PDE8B: variants seen among roughly 807,000 people sequenced by gnomAD.
PDE8B encodes the protein high affinity cAMP-specific and IBMX-insensitive 3',5'-cyclic phosphodiesterase 8B.
Under a neutral mutation model 101.3 loss-of-function variants are expected in PDE8B, and 26 were observed. The observed-to-expected ratio is 0.26, with a 90% CI of 0.19 to 0.36. The LOEUF (loss-of-function observed/expected upper bound fraction) is 0.36, where lower values mean the gene tolerates loss of function less well. PDE8B is among the 10% of genes least tolerant of loss of function. PDE8B has a pLI of 1.00. For synonymous variants in PDE8B, 424 were observed against 429.3 expected (o/e 0.99, Z 0.15); for missense variants, 810 against 1,163.1 (o/e 0.70, Z 4.42).
chr5:77,235,961 A>T (rs1754593884), intron 1 of PDE8B, among the ~76,000 whole-genome samples: 1 of 152,176 alleles, frequency 6.6e-6, no homozygotes, highest in Non-Finnish European at 1.5e-5. Context: ...GCCGAGATAG[A>T]TTAGGTAATT....
At chr5:77,257,137 A>C (rs1759350738) in intron 1 of PDE8B, among the ~76,000 whole-genome samples, 1 of 152,234 alleles carries the variant, frequency 6.6e-6, no homozygotes. Context: ...AAAAGAAAAC[A>C]GAAAAAGGGG....
At chr5:77,425,964 A>G in intron 21 of PDE8B, 68 bp downstream of exon 21, 1 of 1,476,316 alleles carries the variant, frequency 6.8e-7, no homozygotes, top group Non-Finnish European at 9.5e-7. Context: ...CTTTAGTGAC[A>G]CAGGGTGAGC....
At chr5:77,204,532 A>C in the PDE8B span, among the ~76,000 whole-genome samples, 1 of 152,298 alleles carries the variant, frequency 6.6e-6, no homozygotes, top group East Asian at 1.9e-4. Context: ...GGGCGGTAGA[A>C]CCTACAGTGA....
intron 10 of PDE8B, among the ~76,000 whole-genome samples, chr5:77,384,238 T>TTG (rs1283067262): frequency 6.6e-6 from 1 of 152,208 alleles, no homozygotes; most frequent in Non-Finnish European, 1.5e-5. Context: ...TTTATTCTCT[T>TTG]TGTAGCAATC....
chr5:77,409,728 A>G (rs1451502086), intron 14 of PDE8B, among the ~76,000 whole-genome samples: 3 of 152,184 alleles, frequency 2.0e-5, no homozygotes, highest in Non-Finnish European at 2.9e-5. Flanking sequence ...AAAAAATTCA[A>G]ATTGTTTATT....
chr5:77,350,913 A>C, intron 8 of PDE8B, 152 bp from the exon 9 acceptor site: 1 of 714,730 alleles, frequency 1.4e-6, no homozygotes, highest in Non-Finnish European at 2.6e-6. Context: ...ATGTGGCCAC[A>C]TCAGCATTGC....
chr5:77,276,338 C>T (rs1397201621), intron 1 of PDE8B, among the ~76,000 whole-genome samples: 1 of 152,220 alleles, frequency 6.6e-6, no homozygotes, highest in African/African-American at 2.4e-5. Flanking sequence ...CTTGGCTCAG[C>T]TCAAAGGCCT....
chr5:77,241,876 A>C (rs1286341550), intron 1 of PDE8B, among the ~76,000 whole-genome samples: 1 of 152,218 alleles, frequency 6.6e-6, no homozygotes, highest in African/African-American at 2.4e-5. Context: ...AGCTGCTATA[A>C]TGCCTCTGGA....
the PDE8B span, chr5:77,148,394 A>G: frequency 6.6e-6 from 1 of 152,328 alleles, no homozygotes; most frequent in Admixed American, 6.5e-5. Context: ...GTAGGTTCCT[A>G]TGAGTGGAAT....
At chr5:77,400,868 A>G (rs1168326968) in intron 11 of PDE8B, among the ~76,000 whole-genome samples, 1 of 127,634 alleles carries the variant, frequency 7.8e-6, no homozygotes, top group African/African-American at 2.7e-5. Context: ...TCTGACCATT[A>G]GAGGGAAAAA....
rs897870901 is a variant in PDE8B at position 77,210,942 on chromosome 5, G to C, written c.17G>C (p.Ser6Thr). 3 of 1,502,818 alleles carry C rather than the reference G, an allele frequency of 2.0e-6. No homozygotes were observed. Among genetic ancestry groups the C allele is most frequent in the African/African-American group, 2.9e-5 (2 of 69,560 alleles). 93.1% of individuals were successfully genotyped at this position (1,502,818 alleles called of 1,614,324 possible). MGCAP[S>T]IHVSQSGVIY... ...GGCCGAGGGATGGGCTGCGCCCCCA[G>C]CATCCATGTCTCGCAGAGCGGCGTG... The change falls in exon 1 of 22, where the codon AGC becomes ACC. Residue 6 changes from serine to threonine, a missense_variant. By Grantham distance (58) the Ser-to-Thr change is moderately conservative. Around this residue, in one of 4 missense-constraint regions of PDE8B, gnomAD observed 159 missense variants for 146.6 expected, o/e 1.08. Coordinates refer to ENST00000264917, the MANE Select transcript of PDE8B (RefSeq NM_003719.5). The surrounding 1 kb of genome is among the most constrained non-coding windows in gnomAD (Gnocchi z 4.9).
At chr5:77,407,917 C>T (rs972381162) in intron 13 of PDE8B, among the ~76,000 whole-genome samples, 1 of 152,134 alleles carries the variant, frequency 6.6e-6, no homozygotes, top group Non-Finnish European at 1.5e-5. Context: ...TTGTACAGGG[C>T]TCAGCTCATT....
the PDE8B span, among the ~76,000 whole-genome samples, chr5:77,099,546 A>C: frequency 6.6e-6 from 1 of 152,062 alleles, no homozygotes; most frequent in Non-Finnish European, 1.5e-5. Flanking sequence ...TGCTGTGCAG[A>C]GGACAGCATT....
At chr5:77,330,190 G>T (rs975437431) in intron 4 of PDE8B, among the ~76,000 whole-genome samples, 1 of 152,156 alleles carries the variant, frequency 6.6e-6, no homozygotes, top group African/African-American at 2.4e-5. Context: ...TCTGAGATCT[G>T]AATGAGGTCA....
intron 1 of PDE8B, among the ~76,000 whole-genome samples, chr5:77,242,335 G>A (rs192022678): frequency 3.3e-5 from 5 of 152,152 alleles, no homozygotes; most frequent in Admixed American, 6.6e-5. Flanking sequence ...AGTAGCAAAC[G>A]TGCTTAAAGA....
intron 1 of PDE8B, among the ~76,000 whole-genome samples, chr5:77,256,962 C>G (rs1490520976): frequency 6.6e-6 from 1 of 152,074 alleles, no homozygotes; most frequent in Non-Finnish European, 1.5e-5. Context: ...TATTAAATCC[C>G]TACTAGGTTC....
intron 1 of PDE8B, among the ~76,000 whole-genome samples, chr5:77,260,642 C>A (rs1452092172): frequency 7.4e-6 from 1 of 134,988 alleles, no homozygotes; most frequent in Non-Finnish European, 1.5e-5. Flanking sequence ...GGCTGGAGTG[C>A]AATGGTGCAA....
At chr5:77,325,819 T>A in intron 3 of PDE8B, 90 bp downstream of exon 3, 1 of 937,548 alleles carries the variant, frequency 1.1e-6, no homozygotes, top group Non-Finnish European at 1.7e-6. Context: ...TTATTTCAAA[T>A]ATTTTTAAAA....
chr5:77,368,087 T>C (rs891313474), intron 10 of PDE8B, among the ~76,000 whole-genome samples: 2 of 152,226 alleles, frequency 1.3e-5, no homozygotes, highest in Non-Finnish European at 2.9e-5. Flanking sequence ...ACCCTTGGCC[T>C]CCCATTTTCA....
Sources: allele counts gnomAD v4.1 joint callset (sites outside exome capture counted in the v4.1 genomes callset), GRCh38; gene constraint gnomAD v4.1.1; regional missense constraint gnomAD v4.1.1; non-coding constraint Gnocchi (gnomAD v3.1); transcripts MANE v1.5; gene names NCBI Gene and HGNC (gene_info 2026-07-23, HGNC 2026-07-21).